FAM135B: variants seen among roughly 807,000 people sequenced by gnomAD.
FAM135B encodes protein FAM135B.
FAM135B carries 43 observed loss-of-function variants against 127.7 expected under a neutral mutation model. The observed-to-expected ratio is 0.34, with a 90% CI of 0.26 to 0.43. FAM135B has a LOEUF of 0.43. FAM135B is among the 20% of genes least tolerant of loss of function. The pLI, the probability that FAM135B is intolerant of heterozygous loss-of-function variation, is 1.00. For synonymous variants in FAM135B, 670 were observed against 665.1 expected (o/e 1.01, Z -0.11); for missense variants, 1,558 against 1,725.6 (o/e 0.90, Z 1.72).
intron 4 of FAM135B, among the ~76,000 whole-genome samples, chr8:138,264,267 C>G (rs1360790101): frequency 6.6e-6 from 1 of 152,224 alleles, no homozygotes; most frequent in South Asian, 2.1e-4. Flanking sequence ...CTGTCTGTCA[C>G]TTGTCCTCCA....
intron 1 of FAM135B, among the ~76,000 whole-genome samples, chr8:138,389,050 C>G (rs914885245): frequency 7.9e-5 from 12 of 152,052 alleles, no homozygotes; most frequent in African/African-American, 2.9e-4. Context: ...TGATGTGAAC[C>G]TAAAACTGCT....
In FAM135B at chr8:138,208,914, T is replaced by C. The variant is rs146632378; in HGVS notation, c.670-11245A>G. On this transcript the variant is annotated intron_variant, in intron 7 of 19. Coordinates refer to ENST00000395297, the MANE Select transcript of FAM135B (RefSeq NM_015912.4). ...TCATTATTAGTTAGATAAGTTGATATATTGACTATGAATAATTCATAACCA... is the reference window on the plus strand; with the variant it reads ...TCATTATTAGTTAGATAAGTTGATACATTGACTATGAATAATTCATAACCA... Among the ~76,000 whole-genome samples the C allele has an allele frequency of 2.1e-4, 32 of 152,360 alleles. No homozygotes were observed. In the East Asian group the frequency reaches 2.7e-3, roughly 13 times the overall value.
At chr8:138,183,409 T>A (rs1586710150) in intron 9 of FAM135B, among the ~76,000 whole-genome samples, 1 of 152,138 alleles carries the variant, frequency 6.6e-6, no homozygotes, top group East Asian at 1.9e-4. Flanking sequence ...CAGCCTCTCA[T>A]TAACCCCTCT....
intron 2 of FAM135B, among the ~76,000 whole-genome samples, chr8:138,344,455 C>T (rs1159789398): frequency 2.0e-5 from 3 of 152,290 alleles, no homozygotes; most frequent in East Asian, 1.9e-4. Context: ...CTTTTTCCTC[C>T]CACCTGCGCT....
intron 9 of FAM135B, among the ~76,000 whole-genome samples, chr8:138,183,717 C>T (rs1815295381): frequency 6.6e-6 from 1 of 152,132 alleles, no homozygotes; most frequent in Admixed American, 6.5e-5. Flanking sequence ...GACTTTGGAC[C>T]AAGGGTGACG....
chr8:138,337,704 A>T (rs987434334), intron 2 of FAM135B, among the ~76,000 whole-genome samples: 1 of 152,266 alleles, frequency 6.6e-6, no homozygotes, highest in Non-Finnish European at 1.5e-5. Context: ...TATAGATTCA[A>T]TGCCATCCCC....
At chr8:138,178,358 C>T (rs888944884) in intron 10 of FAM135B, among the ~76,000 whole-genome samples, 177 bp downstream of exon 10, 2 of 152,090 alleles carry the variant, frequency 1.3e-5, no homozygotes, top group African/African-American at 2.4e-5. Flanking sequence ...ATGAATGACA[C>T]AGCAAAGGCC....
At chr8:138,147,606 C>T (rs1817757368) in intron 14 of FAM135B, among the ~76,000 whole-genome samples, 1 of 152,128 alleles carries the variant, frequency 6.6e-6, no homozygotes, top group Non-Finnish European at 1.5e-5. Flanking sequence ...TAGACATATG[C>T]ACCTTGAACT....
At chr8:138,225,500 A>G (rs918062087) in intron 7 of FAM135B, among the ~76,000 whole-genome samples, 1 of 152,050 alleles carries the variant, frequency 6.6e-6, no homozygotes, top group African/African-American at 2.4e-5. Flanking sequence ...AAAGAAGAAA[A>G]AGAAAAAAAC....
intron 7 of FAM135B, among the ~76,000 whole-genome samples, chr8:138,229,031 G>A (rs554685234): frequency 7.1e-6 from 1 of 140,344 alleles, no homozygotes; most frequent in South Asian, 2.1e-4. Context: ...TTCCCTATAT[G>A]AACACTCACA....
intron 2 of FAM135B, among the ~76,000 whole-genome samples, chr8:138,343,756 T>C (rs1829212078): frequency 6.6e-6 from 1 of 152,090 alleles, no homozygotes; most frequent in Admixed American, 6.5e-5. Context: ...AATCAGAAAA[T>C]GTCTCCAAAT....
chr8:138,470,705 T>C (rs1336924000), intron 1 of FAM135B, among the ~76,000 whole-genome samples: 1 of 152,168 alleles, frequency 6.6e-6, no homozygotes, highest in African/African-American at 2.4e-5. Flanking sequence ...AGACAATGCA[T>C]TGTCACAATA....
rs760875798 is a variant in FAM135B, at chr8:138,151,143, G to A, written c.3281+51C>T. 2.7e-5 allele frequency: 38 copies of A among 1,396,350 alleles called. No individual in the cohort carries two copies. In the South Asian group the frequency reaches 5.9e-4, roughly 22 times the overall value. The allele number at this position is 1,396,350 out of a possible 1,614,324, so 86.5% of individuals were successfully genotyped here. On this transcript the variant is annotated intron_variant, in intron 13 of 19. Transcript: ENST00000395297. ...TATGCATGAAATGGAGAAATATGTG[G>A]AAAAATCTAAAAGACTGTTGTGGGA...
Position 138,412,528 on chromosome 8 carries a change from T to C in FAM135B, c.-19-44526A>G, listed in dbSNP as rs546402464. 8.5e-5 allele frequency among the ~76,000 whole-genome samples: 13 copies of C among 152,328 alleles called. No individual in the cohort carries two copies. In the South Asian group the frequency reaches 2.5e-3, roughly 29 times the overall value. ...GCTCCGAATCCAGTTATCTTTGAGG[T>C]GACCAGTCTTGCTTGGGCTCCAGTC... is the stretch of plus-strand genomic sequence containing the variant. On this transcript the variant is annotated intron_variant, in intron 1 of 19. Transcript: ENST00000395297.
At chr8:138,334,863 T>G (rs1226854684) in intron 2 of FAM135B, among the ~76,000 whole-genome samples, 2 of 152,180 alleles carry the variant, frequency 1.3e-5, no homozygotes, top group African/African-American at 4.8e-5. Flanking sequence ...TACGCATACA[T>G]GTGTCTTTAC....
Position 138,355,428 on chromosome 8 carries a change from A to G in FAM135B, c.77+12479T>C, listed in dbSNP as rs573728950. ...GTTCATGTCCTTTGTAGGGACATGG[A>G]TGAAGCTGGAAACCATTATTCTCAG... On this transcript the variant is annotated intron_variant, in intron 2 of 19. Transcript: ENST00000395297. 1.8e-4 allele frequency among the ~76,000 whole-genome samples: 27 copies of G among 151,720 alleles called. 1 individual carries two copies. The highest frequency in any genetic ancestry group is 6.3e-4 in the African/African-American group (26 of 41,346).
intron 1 of FAM135B, among the ~76,000 whole-genome samples, chr8:138,408,746 T>G (rs1198642089): frequency 6.6e-6 from 1 of 151,886 alleles, no homozygotes; most frequent in African/African-American, 2.4e-5. Flanking sequence ...AACCATCGGA[T>G]CTCATAAGGA....
chr8:138,280,032 A>G (rs1824141943), intron 3 of FAM135B, among the ~76,000 whole-genome samples: 1 of 152,190 alleles, frequency 6.6e-6, no homozygotes, highest in Non-Finnish European at 1.5e-5. Context: ...GTAGTTTTAT[A>G]AACGCATTTC....
chr8:138,266,448 G>A (rs1822929090), intron 3 of FAM135B, among the ~76,000 whole-genome samples: 1 of 151,862 alleles, frequency 6.6e-6, no homozygotes. Context: ...GTACTTCAAA[G>A]TTAAGTTATA....
Sources: gnomAD v4.1 joint callset for allele counts (sites outside exome capture counted in the v4.1 genomes callset) on GRCh38, gnomAD v4.1.1 for gene constraint, MANE v1.5 for transcripts, NCBI Gene and HGNC (gene_info 2026-07-23, HGNC 2026-07-21) for gene names.